The following PPFIA2 variants were observed in gnomAD, a reference collection of about 807,000 sequenced individuals.
PPFIA2 encodes liprin-alpha-2.
PPFIA2 carries 46 observed loss-of-function variants against 175.5 expected under a neutral mutation model. The ratio of observed to expected loss-of-function variants is 0.26; its 90% CI spans 0.21 to 0.34. The LOEUF is 0.34. PPFIA2 is among the 10% of genes least tolerant of loss of function. The pLI is 1.00. For missense variants in PPFIA2, 1,179 were observed against 1,506.1 expected (o/e 0.78, Z 3.60); for synonymous variants, 568 against 511.4 (o/e 1.11, Z -1.49).
intron 4 of PPFIA2, among the ~76,000 whole-genome samples, chr12:81,511,602 G>A (rs1173790898): frequency 6.6e-6 from 1 of 151,928 alleles, no homozygotes; most frequent in African/African-American, 2.4e-5. Context: ...CTATACTGTA[G>A]GTTCTGTGAG....
chr12:81,630,335 C>T (rs185960163), intron 4 of PPFIA2, among the ~76,000 whole-genome samples: 7 of 152,260 alleles, frequency 4.6e-5, no homozygotes, highest in African/African-American at 1.7e-4. Flanking sequence ...GCTTTCAACT[C>T]CAGTCCTTAT....
intron 3 of PPFIA2, among the ~76,000 whole-genome samples, chr12:81,684,387 GA>G (rs1490737095): frequency 1.3e-5 from 2 of 152,046 alleles, no homozygotes; most frequent in Non-Finnish European, 2.9e-5. Flanking sequence ...GAAGGTGCAA[GA>G]ACAATGTAGT....
intron 4 of PPFIA2, among the ~76,000 whole-genome samples, chr12:81,502,670 A>G (rs183212586): frequency 4.4e-4 from 67 of 152,312 alleles, no homozygotes; most frequent in Non-Finnish European, 8.5e-4. Flanking sequence ...CTAGGGGAAA[A>G]AGGTGATGGG....
intron 3 of PPFIA2, among the ~76,000 whole-genome samples, chr12:81,743,443 A>AAAC (rs2082606103): frequency 6.9e-6 from 1 of 144,800 alleles, no homozygotes; most frequent in Non-Finnish European, 1.5e-5. Context: ...AAAAAAAAAA[A>AAAC]AACTTTTGCT....
At chr12:81,508,396 T>C (rs926688980) in intron 4 of PPFIA2, among the ~76,000 whole-genome samples, 3 of 151,468 alleles carry the variant, frequency 2.0e-5, no homozygotes, top group African/African-American at 7.3e-5. Context: ...TGGCACATGC[T>C]TGTAATCCCA....
intron 14 of PPFIA2, 42 bp downstream of exon 14, chr12:81,367,065 AT>A (rs76940768): frequency 0.17 from 243,126 of 1,435,118 alleles, 20,462 homozygotes; most frequent in African/African-American, 0.21. Flanking sequence ...GGAATAGAAA[AT>A]AAAAATAGAA....
intron 7 of PPFIA2, among the ~76,000 whole-genome samples, chr12:81,437,137 T>C (rs1243987854): frequency 6.6e-6 from 1 of 152,114 alleles, no homozygotes; most frequent in Non-Finnish European, 1.5e-5. Context: ...CAGAAAACAG[T>C]CGTAAATCTT....
intron 31 of PPFIA2, among the ~76,000 whole-genome samples, chr12:81,262,295 G>A (rs1470228156): frequency 1.3e-5 from 2 of 152,216 alleles, no homozygotes; most frequent in East Asian, 1.9e-4. Context: ...AGCAGCTCCC[G>A]AGGGTGCTTC....
chr12:81,387,183 TCACTG>T (rs1333523029), intron 8 of PPFIA2, among the ~76,000 whole-genome samples: 1 of 152,146 alleles, frequency 6.6e-6, no homozygotes, highest in Non-Finnish European at 1.5e-5. Flanking sequence ...AAAATACTTA[TCACTG>T]TATTTGTGCT....
intron 15 of PPFIA2, among the ~76,000 whole-genome samples, chr12:81,361,774 T>G (rs1368759403): frequency 4.0e-5 from 6 of 151,566 alleles, no homozygotes; most frequent in Admixed American, 2.0e-4. Context: ...GGAGTTAACT[T>G]TCTAAAGATG....
At chr12:81,393,329 C>T (rs1461866536) in intron 8 of PPFIA2, among the ~76,000 whole-genome samples, 1 of 151,988 alleles carries the variant, frequency 6.6e-6, no homozygotes, top group African/African-American at 2.4e-5. Context: ...TAGAGAAAGT[C>T]ATCAAATTGA....
intron 3 of PPFIA2, among the ~76,000 whole-genome samples, chr12:81,708,928 C>G (rs1202942500): frequency 2.0e-5 from 3 of 152,192 alleles, no homozygotes; most frequent in Non-Finnish European, 4.4e-5. Flanking sequence ...TGAATTTTCT[C>G]AAGGCAAGGT....
chr12:81,272,658 T>A (rs1019655991), intron 28 of PPFIA2, among the ~76,000 whole-genome samples: 1 of 152,210 alleles, frequency 6.6e-6, no homozygotes, highest in Non-Finnish European at 1.5e-5. Flanking sequence ...CATCGTGGTT[T>A]TCCTCATTTT....
chr12:81,353,199 G>A lies in PPFIA2; in HGVS notation c.1914C>T (p.Leu638=). The part of the protein sequence containing the change: ...RETIFSSMDL[L]SPSGHSDAQT... ...GGGCATCGGAATGACCACTTGGAGAGAGAAGATCCATTGAGCTAAAAATTG... is the reference window on the plus strand; with the variant it reads ...GGGCATCGGAATGACCACTTGGAGAAAGAAGATCCATTGAGCTAAAAATTG... Residue 638 remains leucine (L), a synonymous_variant, in exon 17 of 33, where the codon CTC becomes CTT. Coordinates refer to ENST00000549396, the MANE Select transcript of PPFIA2 (RefSeq NM_003625.5). 1 of 1,613,812 alleles carries A rather than the reference G, an allele frequency of 6.2e-7. No homozygotes were observed. Among genetic ancestry groups the A allele is most frequent in the East Asian group, 2.2e-5 (1 of 44,854 alleles).
Position 81,445,679 on chromosome 12 carries a change from T to C in PPFIA2, c.447A>G (p.Glu149=), listed in dbSNP as rs2145281847. The change falls in exon 6 of 33, where the codon GAA becomes GAG. Residue 149 remains glutamate, a synonymous_variant. Transcript: ENST00000549396. ...TTACCACCGTCATTCTTAGTGATCT[T>C]TCATGTCGTGACACAAGGCACTCCA... is the stretch of plus-strand genomic sequence containing the variant. ...EHLECLVSRH[E]RSLRMTVVKR... 15 of 1,613,898 alleles carry C rather than the reference T, an allele frequency of 9.3e-6. No individual in the cohort carries two copies. The highest frequency in any genetic ancestry group is 4.5e-5 in the East Asian group (2 of 44,874).
intron 4 of PPFIA2, among the ~76,000 whole-genome samples, chr12:81,493,588 G>A (rs952447079): frequency 6.6e-6 from 1 of 151,654 alleles, no homozygotes; most frequent in Non-Finnish European, 1.5e-5. Flanking sequence ...GAAGAGATAG[G>A]GGGCAACAGC....
intron 3 of PPFIA2, among the ~76,000 whole-genome samples, chr12:81,682,907 T>C (rs2073887105): frequency 6.6e-6 from 1 of 152,072 alleles, no homozygotes; most frequent in Non-Finnish European, 1.5e-5. Context: ...CTACTCCATC[T>C]TTATTGAAAT....
chr12:81,720,365 A>G (rs918327235), intron 3 of PPFIA2, among the ~76,000 whole-genome samples: 1 of 151,526 alleles, frequency 6.6e-6, no homozygotes, highest in Non-Finnish European at 1.5e-5. Context: ...TCAAATGCAC[A>G]TACTAACTTC....
intron 4 of PPFIA2, among the ~76,000 whole-genome samples, chr12:81,559,362 G>A (rs2069502175): frequency 6.6e-6 from 1 of 152,184 alleles, no homozygotes; most frequent in East Asian, 1.9e-4. Flanking sequence ...GGATATTATA[G>A]GACAATAAAA....
Sources: allele counts gnomAD v4.1 joint callset (sites outside exome capture counted in the v4.1 genomes callset), GRCh38; gene constraint gnomAD v4.1.1; transcripts MANE v1.5; gene names NCBI Gene and HGNC (gene_info 2026-07-23, HGNC 2026-07-21).